Variants in PTPRD observed in about 807,000 individuals in gnomAD.
PTPRD encodes protein tyrosine phosphatase receptor type D.
Under a neutral mutation model 214.5 loss-of-function variants are expected in PTPRD, and 34 were observed. The ratio of observed to expected loss-of-function variants is 0.16; its 90% confidence interval spans 0.12 to 0.21. PTPRD has a LOEUF of 0.21. Among genes scored for constraint, PTPRD ranks in the 10% least tolerant of loss-of-function variants. The pLI is 1.00. For synonymous variants in PTPRD, 1,128 were observed against 845.7 expected (o/e 1.33, Z -5.79); for missense variants, 2,545 against 2,398.7 (o/e 1.06, Z -1.27).
chr9:9,068,423 T>TCTTATAAAAG (rs2099738489), intron 10 of PTPRD, among the ~76,000 whole-genome samples: 1 of 152,174 alleles, frequency 6.6e-6, no homozygotes, highest in East Asian at 1.9e-4. Flanking sequence ...AACTGATGCT[T>TCTTATAAAAG]CTTTGAGAAG....
chr9:9,382,689 T>C (rs1020123154), intron 9 of PTPRD, among the ~76,000 whole-genome samples: 6 of 152,120 alleles, frequency 3.9e-5, no homozygotes, highest in Non-Finnish European at 8.8e-5. Flanking sequence ...TTGGGACTCT[T>C]GCACATTGTA....
intron 3 of PTPRD, among the ~76,000 whole-genome samples, chr9:10,229,023 A>G (rs957977388): frequency 7.2e-5 from 11 of 151,990 alleles, no homozygotes; most frequent in African/African-American, 2.7e-4. Context: ...TTTTGCCGGT[A>G]TATGAGATCA....
At chr9:8,515,349 A>G (rs2097765082) in intron 21 of PTPRD, among the ~76,000 whole-genome samples, 1 of 152,186 alleles carries the variant, frequency 6.6e-6, no homozygotes, top group Non-Finnish European at 1.5e-5. Flanking sequence ...TATTATGATG[A>G]TTACATATTA....
At chr9:10,259,624 G>T (rs1245432254) in intron 3 of PTPRD, among the ~76,000 whole-genome samples, 1 of 152,052 alleles carries the variant, frequency 6.6e-6, no homozygotes, top group South Asian at 2.1e-4. Flanking sequence ...AATTCACACA[G>T]TTTTTCTATA....
At chr9:9,189,609 G>T (rs1463107683) in intron 9 of PTPRD, among the ~76,000 whole-genome samples, 1 of 151,756 alleles carries the variant, frequency 6.6e-6, no homozygotes, top group African/African-American at 2.4e-5. Context: ...TGTCTATATG[G>T]TTATCTCTTT....
At chr9:9,205,300 A>C (rs1256133365) in intron 9 of PTPRD, among the ~76,000 whole-genome samples, 4 of 152,146 alleles carry the variant, frequency 2.6e-5, no homozygotes, top group Non-Finnish European at 4.4e-5. Flanking sequence ...CTTTTGTCTA[A>C]TCATATAATA....
At chr9:10,034,913 G>C (rs1382341538) in intron 3 of PTPRD, among the ~76,000 whole-genome samples, 1 of 152,076 alleles carries the variant, frequency 6.6e-6, no homozygotes, top group East Asian at 1.9e-4. Flanking sequence ...CTTTATAATA[G>C]AACAATTCAT....
intron 7 of PTPRD, among the ~76,000 whole-genome samples, chr9:9,638,624 T>A (rs533575835): frequency 6.6e-6 from 1 of 152,188 alleles, no homozygotes; most frequent in African/African-American, 2.4e-5. Context: ...AGTATTCATA[T>A]CAAAACTCTT....
intron 12 of PTPRD, among the ~76,000 whole-genome samples, chr9:8,656,550 G>C (rs1565038902): frequency 6.6e-6 from 1 of 152,098 alleles, no homozygotes. Flanking sequence ...CACTGGCATG[G>C]TCAAATACAT....
intron 39 of PTPRD, among the ~76,000 whole-genome samples, chr9:8,357,359 C>T (rs1198416243): frequency 6.6e-6 from 1 of 152,216 alleles, no homozygotes; most frequent in African/African-American, 2.4e-5. Context: ...GCAGGAATAG[C>T]TTGGCAATTT....
At chr9:9,236,922 A>G (rs2099967145) in intron 9 of PTPRD, among the ~76,000 whole-genome samples, 1 of 152,116 alleles carries the variant, frequency 6.6e-6, no homozygotes, top group African/African-American at 2.4e-5. Flanking sequence ...CTGGATCTTG[A>G]AAAGGCTGCA....
At chr9:9,474,971 G>A (rs1453990187) in intron 8 of PTPRD, among the ~76,000 whole-genome samples, 1 of 151,836 alleles carries the variant, frequency 6.6e-6, no homozygotes, top group Non-Finnish European at 1.5e-5. Context: ...GTTTTCTCAA[G>A]TTTTTACTTT....
intron 5 of PTPRD, chr9:9,799,739 A>G (rs1429880366): frequency 3.3e-5 from 5 of 152,242 alleles, no homozygotes; most frequent in South Asian, 2.1e-4. Context: ...TGATGTCCCA[A>G]TGAATATAAA....
intron 12 of PTPRD, among the ~76,000 whole-genome samples, chr9:8,673,151 T>A (rs879786819): frequency 6.6e-6 from 1 of 152,072 alleles, no homozygotes; most frequent in South Asian, 2.1e-4. Context: ...TCTGAGAATA[T>A]CAGATCATCT....
At chr9:9,291,603 AT>A (rs1190255020) in intron 9 of PTPRD, among the ~76,000 whole-genome samples, 2 of 151,362 alleles carry the variant, frequency 1.3e-5, no homozygotes, top group Non-Finnish European at 3.0e-5. Context: ...TTTGCAATAC[AT>A]TACAGTAAGC....
chr9:10,091,227 C>A (rs1031006432), intron 3 of PTPRD, among the ~76,000 whole-genome samples: 5 of 151,490 alleles, frequency 3.3e-5, no homozygotes, highest in African/African-American at 1.2e-4. Flanking sequence ...TTGAGATAAT[C>A]TTTTAACTCT....
chr9:9,798,181 C>G (rs10125701), intron 5 of PTPRD, among the ~76,000 whole-genome samples: 1 of 151,894 alleles, frequency 6.6e-6, no homozygotes, highest in Non-Finnish European at 1.5e-5. Context: ...TTATTTTCTT[C>G]GATAACATTG....
chr9:9,767,145 G>C (rs1383703774), intron 5 of PTPRD, among the ~76,000 whole-genome samples: 1 of 151,350 alleles, frequency 6.6e-6, no homozygotes, highest in African/African-American at 2.4e-5. Context: ...TAGAAAGAAA[G>C]AACATATACA....
rs369104779 is a variant in PTPRD at position 10,295,112 on chromosome 9, G to T, written c.-545+45851C>A. Among the ~76,000 whole-genome samples, 128 of 152,076 alleles carry T rather than the reference G, an allele frequency of 8.4e-4. 3 individuals carry two copies. The South Asian group carries it at 0.022, about 27-fold the overall frequency. On this transcript the variant is annotated intron_variant, in intron 3 of 45. Transcript: ENST00000381196. Reference sequence around the variant, plus strand: ...TAATCATTGTTGAAAATCTCTAAAGGATATTGTATACATGGATTGCCTTAA... The same window carrying T: ...TAATCATTGTTGAAAATCTCTAAAGTATATTGTATACATGGATTGCCTTAA...
Sources: allele counts gnomAD v4.1 joint callset (sites outside exome capture counted in the v4.1 genomes callset), GRCh38; gene constraint gnomAD v4.1.1; transcripts MANE v1.5; gene names NCBI Gene and HGNC (gene_info 2026-07-23, HGNC 2026-07-21).